The following SESN1 variants were observed in gnomAD, a reference collection of about 807,000 sequenced individuals.
SESN1 encodes sestrin 1.
Under a neutral mutation model 59.3 loss-of-function variants are expected in SESN1, and 30 were observed. The ratio of observed to expected loss-of-function variants is 0.51; its 90% CI spans 0.38 to 0.69. The LOEUF is 0.69. Among genes scored for constraint, SESN1 ranks in the 30% least tolerant of loss-of-function variants. The pLI is 0.00. For synonymous variants in SESN1, 197 were observed against 219.9 expected (o/e 0.90, Z 0.92); for missense variants, 566 against 673.0 (o/e 0.84, Z 1.76).
intron 1 of SESN1, among the ~76,000 whole-genome samples, chr6:109,077,276 G>A (rs1260659): frequency 0.056 from 8,522 of 151,858 alleles, 828 homozygotes; most frequent in African/African-American, 0.19. Context: ...ACTGTAAAAA[G>A]CAAAAACAAA....
chr6:109,030,651 T>A (rs1165438291), intron 1 of SESN1, among the ~76,000 whole-genome samples: 4 of 152,214 alleles, frequency 2.6e-5, no homozygotes, highest in African/African-American at 9.7e-5. Flanking sequence ...TTCAAGATTC[T>A]AAGGTCTGGA....
chr6:109,015,961 T>A lies in SESN1; in HGVS notation c.280-13618A>T, dbSNP rs527673471. Among the ~76,000 whole-genome samples the A allele has an allele frequency of 1.0e-3, 154 of 152,328 alleles. 1 individual carries two copies. The highest frequency in any genetic ancestry group is 3.6e-3 in the African/African-American group (151 of 41,572). ...CCAAGAACTGGTTTAGTATGTAACC[T>A]ATAATTTTAAATACGAGGAATTAGC... On this transcript the variant is annotated intron_variant, in intron 1 of 9. Transcript: ENST00000436639.
At chr6:109,048,681 C>T (rs1780492107) in intron 1 of SESN1, among the ~76,000 whole-genome samples, 1 of 152,102 alleles carries the variant, frequency 6.6e-6, no homozygotes, top group African/African-American at 2.4e-5. Context: ...AATCTTATTC[C>T]CTAATACAGC....
intron 1 of SESN1, among the ~76,000 whole-genome samples, chr6:109,052,912 G>A (rs998969639): frequency 1.3e-5 from 2 of 152,166 alleles, no homozygotes; most frequent in Admixed American, 6.5e-5. Flanking sequence ...ACCCCGTAGA[G>A]CTTATAATCT....
At chr6:109,004,036 T>C (rs1195236942) in intron 1 of SESN1, among the ~76,000 whole-genome samples, 1 of 152,126 alleles carries the variant, frequency 6.6e-6, no homozygotes, top group Non-Finnish European at 1.5e-5. Flanking sequence ...TCATTTCAAA[T>C]GGGGGAAAAT....
At chr6:109,066,018 C>T (rs968529549) in intron 1 of SESN1, among the ~76,000 whole-genome samples, 1 of 152,104 alleles carries the variant, frequency 6.6e-6, no homozygotes, top group Admixed American at 6.5e-5. Context: ...AAAAGAATCA[C>T]TACTATCCAT....
intron 1 of SESN1, among the ~76,000 whole-genome samples, chr6:109,091,851 A>G (rs1437057258): frequency 6.6e-6 from 1 of 152,160 alleles, no homozygotes; most frequent in African/African-American, 2.4e-5. Flanking sequence ...AACTCCCTAA[A>G]CTGAAAACTT....
intron 1 of SESN1, among the ~76,000 whole-genome samples, chr6:109,082,121 G>T (rs1057031387): frequency 6.6e-6 from 1 of 152,194 alleles, no homozygotes; most frequent in African/African-American, 2.4e-5. Flanking sequence ...CTAACTCAGT[G>T]TAAGGGAAAT....
chr6:109,078,503 T>C (rs1781066601), intron 1 of SESN1, among the ~76,000 whole-genome samples: 2 of 152,208 alleles, frequency 1.3e-5, no homozygotes, highest in Non-Finnish European at 1.5e-5. Context: ...ATCATAAATA[T>C]ATTAACATGT....
intron 1 of SESN1, among the ~76,000 whole-genome samples, chr6:109,046,677 G>A (rs1780445814): frequency 7.3e-6 from 1 of 136,976 alleles, no homozygotes; most frequent in Non-Finnish European, 1.6e-5. Flanking sequence ...TAGGAAGTGA[G>A]GAGCGTCTCT....
chr6:109,040,684 GCT>G (rs1780325199), intron 1 of SESN1, among the ~76,000 whole-genome samples: 1 of 145,990 alleles, frequency 6.8e-6, no homozygotes, highest in Non-Finnish European at 1.5e-5. Flanking sequence ...AGACAGTCTC[GCT>G]CTGTCGCCCA....
chr6:109,050,640 T>C (rs1439335438), intron 1 of SESN1, among the ~76,000 whole-genome samples: 1 of 152,130 alleles, frequency 6.6e-6, no homozygotes. Flanking sequence ...GCAGCAGAAG[T>C]TCCCTCCCAT....
At chr6:109,033,074 G>A (rs995544572) in intron 1 of SESN1, among the ~76,000 whole-genome samples, 2 of 152,130 alleles carry the variant, frequency 1.3e-5, no homozygotes, top group African/African-American at 2.4e-5. Context: ...GGATTCAGAG[G>A]AGGGGAAAAA....
chr6:108,990,878 G>T, intron 7 of SESN1, 43 bp from the exon 8 acceptor site: 1 of 1,538,828 alleles, frequency 6.5e-7, no homozygotes, highest in Non-Finnish European at 8.9e-7. Context: ...ATGTGGTCAA[G>T]TACAGTTCTA....
At chr6:109,062,410 C>T (rs1780748083) in intron 1 of SESN1, among the ~76,000 whole-genome samples, 1 of 152,194 alleles carries the variant, frequency 6.6e-6, no homozygotes, top group Non-Finnish European at 1.5e-5. Flanking sequence ...CTGCCAAGGT[C>T]AGCAGCCACA....
At chr6:109,072,569 T>A (rs547879546) in intron 1 of SESN1, among the ~76,000 whole-genome samples, 6 of 152,214 alleles carry the variant, frequency 3.9e-5, no homozygotes, top group Non-Finnish European at 5.9e-5. Flanking sequence ...CATAGTATAT[T>A]GTTGATTTTA....
intron 1 of SESN1, 68 bp from the exon 2 acceptor site, chr6:109,002,411 G>C: frequency 7.6e-7 from 1 of 1,307,556 alleles, no homozygotes; most frequent in Non-Finnish European, 1.1e-6. Flanking sequence ...CTAAAGGAAT[G>C]GGAGGGAAAA....
At chr6:109,007,390 C>T (rs904041679) in intron 1 of SESN1, among the ~76,000 whole-genome samples, 2 of 152,214 alleles carry the variant, frequency 1.3e-5, no homozygotes, top group Admixed American at 6.5e-5. Flanking sequence ...TGTTGGCTTA[C>T]AGTATCTACC....
At chr6:109,045,966 C>T (rs2003315) in intron 1 of SESN1, among the ~76,000 whole-genome samples, 15,238 of 152,154 alleles carry the variant, frequency 0.1, 929 homozygotes, top group Middle Eastern at 0.2. Flanking sequence ...CTGAAAAAAG[C>T]GTATTCTGTC....
Sources: allele counts gnomAD v4.1 joint callset (sites outside exome capture counted in the v4.1 genomes callset), GRCh38; gene constraint gnomAD v4.1.1; transcripts MANE v1.5; gene names NCBI Gene and HGNC (gene_info 2026-07-23, HGNC 2026-07-21).